The following ASH2L variants were observed in gnomAD, a reference collection of about 807,000 sequenced individuals.
ASH2L encodes the protein ASH2 like, histone lysine methyltransferase complex subunit.
In ASH2L, 30 loss-of-function variants were observed where a neutral mutation model predicts 81.1. The ratio of observed to expected loss-of-function variants is 0.37; its 90% confidence interval spans 0.28 to 0.50. The LOEUF is 0.50. ASH2L is among the 20% of genes least tolerant of loss of function. The probability of loss-of-function intolerance (pLI) is 0.95; values close to 1 mark genes in which losing one functional copy is unlikely to be tolerated. For missense variants in ASH2L, 559 were observed against 792.1 expected (o/e 0.71, Z 3.53); for synonymous variants, 273 against 279.9 (o/e 0.98, Z 0.24).
intron 9 of ASH2L, among the ~76,000 whole-genome samples, chr8:38,120,495 C>G (rs1030962540): frequency 2.0e-5 from 3 of 151,666 alleles, no homozygotes; most frequent in Non-Finnish European, 4.4e-5. Context: ...GCTCACTGCA[C>G]AAGTTATTTA....
chr8:38,119,624 G>A (rs563579273), intron 9 of ASH2L, among the ~76,000 whole-genome samples: 1 of 152,060 alleles, frequency 6.6e-6, no homozygotes, highest in East Asian at 1.9e-4. Flanking sequence ...TGGCCAACAT[G>A]GCGAAACCCC....
intron 9 of ASH2L, among the ~76,000 whole-genome samples, chr8:38,120,621 C>T (rs1294734779): frequency 5.6e-5 from 1 of 17,862 alleles, no homozygotes; most frequent in Non-Finnish European, 1.3e-4. Flanking sequence ...CCTCCCTTCC[C>T]CCCCCCCCCC....
At chr8:38,136,639 G>A (rs1252398902) in intron 14 of ASH2L, among the ~76,000 whole-genome samples, 1 of 151,530 alleles carries the variant, frequency 6.6e-6, no homozygotes, top group African/African-American at 2.4e-5. Flanking sequence ...GCTGGGCTTG[G>A]TGGCACATGC....
At chr8:38,119,806 A>C (rs1490089125) in intron 9 of ASH2L, among the ~76,000 whole-genome samples, 2 of 151,742 alleles carry the variant, frequency 1.3e-5, no homozygotes, top group Non-Finnish European at 2.9e-5. Flanking sequence ...CCGTCTCAAA[A>C]ACAAAACAAA....
chr8:38,107,576 T>C (rs1394151707), intron 3 of ASH2L, among the ~76,000 whole-genome samples: 1 of 152,210 alleles, frequency 6.6e-6, no homozygotes, highest in Admixed American at 6.5e-5. Context: ...CCATCCTTTT[T>C]TTCCTTTCTC....
chr8:38,110,633 AT>A, intron 4 of ASH2L, 105 bp from the exon 5 acceptor site: 1 of 1,171,270 alleles, frequency 8.5e-7, no homozygotes, highest in Non-Finnish European at 1.3e-6. Context: ...TGATGACTCC[AT>A]TTTGCTGCTA....
intron 10 of ASH2L, 82 bp from the exon 11 acceptor site, chr8:38,128,209 T>C (rs1477216884): frequency 2.4e-5 from 37 of 1,518,764 alleles, no homozygotes; most frequent in Non-Finnish European, 3.2e-5. Context: ...TAAATTGTTT[T>C]ATTGGACTAA....
rs1344282880 is a variant in ASH2L, at chr8:38,110,388, A to G, written c.411A>G (p.Leu137=). 7 of 1,613,810 alleles carry G rather than the reference A, an allele frequency of 4.3e-6. No homozygotes were observed. The highest frequency in any genetic ancestry group is 5.9e-6 in the Non-Finnish European group (7 of 1,179,786). The change falls in exon 4 of 16, where the codon CTA becomes CTG. Residue 137 remains leucine (L), a synonymous_variant. Coordinates refer to ENST00000343823, the MANE Select transcript of ASH2L (RefSeq NM_004674.5). ...DTFGIDTSSC[L]PFMTNYSFHC... is the part of the protein sequence containing the mutation. ...TTTGGCTCTTCGGCAGATCCTGTCT[A>G]CCTTTCATGACCAACTACAGTTTTC...
rs1007456851 is a variant in ASH2L at position 38,135,554 on chromosome 8, T to C, written c.1621-114T>C. The C allele has an allele frequency of 1.0e-5, 7 of 688,322 alleles. No homozygotes were observed. The African/African-American group carries it at 1.3e-4, about 12-fold the overall frequency. 42.6% of individuals were successfully genotyped at this position (688,322 alleles called of 1,614,324 possible). On this transcript the variant is annotated intron_variant, in intron 13 of 15. Coordinates refer to ENST00000343823, the MANE Select transcript of ASH2L (RefSeq NM_004674.5). Reference sequence around the variant, plus strand: ...TATTACACAAGTTATGCACTGTTCTTGGGTGAGTGACTAGCAGTCTGGCAG... The same window carrying C: ...TATTACACAAGTTATGCACTGTTCTCGGGTGAGTGACTAGCAGTCTGGCAG...
At chr8:38,127,675 G>T (rs1032587050) in intron 10 of ASH2L, among the ~76,000 whole-genome samples, 1 of 150,720 alleles carries the variant, frequency 6.6e-6, no homozygotes, top group Non-Finnish European at 1.5e-5. Flanking sequence ...CTTGGGAGGC[G>T]GAGGTTGCAG....
At chr8:38,106,541 T>A (rs1810442898) in intron 2 of ASH2L, 97 bp downstream of exon 2, 2 of 1,069,036 alleles carry the variant, frequency 1.9e-6, no homozygotes, top group Non-Finnish European at 2.7e-6. Flanking sequence ...GGAGCCTTGC[T>A]CTGTCGCCCA....
Position 38,139,089 on chromosome 8 carries a change from G to A in ASH2L, c.*18G>A, listed in dbSNP as rs1447852053. 5.2e-6 allele frequency: 8 copies of A among 1,543,016 alleles called. No individual in the cohort carries two copies. The highest frequency in any genetic ancestry group is 7.0e-6 in the Non-Finnish European group (8 of 1,137,804). Reference sequence around the variant, plus strand: ...AACCCTGACCAGGTCCCTCTTTTCTGTCAAGGACTTTCTGGGAATAATACT... The same window carrying A: ...AACCCTGACCAGGTCCCTCTTTTCTATCAAGGACTTTCTGGGAATAATACT... On this transcript the variant is annotated 3_prime_UTR_variant, in exon 16 of 16. Transcript: ENST00000343823.
intron 14 of ASH2L, among the ~76,000 whole-genome samples, chr8:38,136,099 A>G (rs1389127674): frequency 1.4e-5 from 2 of 144,402 alleles, no homozygotes; most frequent in Admixed American, 6.9e-5. Flanking sequence ...GTTGCTTACA[A>G]TGATTTTTTT....
chr8:38,122,630 C>T (rs1368040043), intron 10 of ASH2L: 2 of 152,104 alleles, frequency 1.3e-5, no homozygotes, highest in African/African-American at 4.8e-5. Context: ...ACACAGATAA[C>T]AATTTATATT....
At chr8:38,110,601 C>G (rs565641073) in intron 4 of ASH2L, 134 bp downstream of exon 4, 1 of 1,125,958 alleles carries the variant, frequency 8.9e-7, no homozygotes, top group Non-Finnish European at 1.3e-6. Flanking sequence ...TGAATAATTG[C>G]AATTGCCCAT....
intron 9 of ASH2L, among the ~76,000 whole-genome samples, chr8:38,120,214 T>G (rs2517388): frequency 0.24 from 36,602 of 152,096 alleles, 5,073 homozygotes; most frequent in East Asian, 0.63. Flanking sequence ...TAGTAACAAG[T>G]ATAGTGTCTT....
chr8:38,138,603 A>G (rs751684957), intron 14 of ASH2L: 24 of 467,064 alleles, frequency 5.1e-5, no homozygotes, highest in Non-Finnish European at 7.9e-5. Flanking sequence ...CTTTGACAAC[A>G]GAAATCAACA....
At chr8:38,109,348 AT>A (rs1167219869) in intron 3 of ASH2L, among the ~76,000 whole-genome samples, 1 of 152,208 alleles carries the variant, frequency 6.6e-6, no homozygotes, top group Non-Finnish European at 1.5e-5. Flanking sequence ...ATGTTTCGTA[AT>A]TCCATGAGGG....
chr8:38,125,284 A>G (rs577629794), intron 10 of ASH2L, among the ~76,000 whole-genome samples: 5 of 152,320 alleles, frequency 3.3e-5, no homozygotes, highest in African/African-American at 1.2e-4. Context: ...AAAAATATAT[A>G]TATCACCCTA....
Sources: allele counts gnomAD v4.1 joint callset (sites outside exome capture counted in the v4.1 genomes callset), GRCh38; gene constraint gnomAD v4.1.1; transcripts MANE v1.5; gene names NCBI Gene and HGNC (gene_info 2026-07-23, HGNC 2026-07-21).